The following XYLB variants were observed in gnomAD, a reference collection of about 807,000 sequenced individuals.
The protein encoded by XYLB is xylulose kinase.
In XYLB, 62 loss-of-function variants were observed where a neutral mutation model predicts 78.7. The ratio of observed to expected loss-of-function variants is 0.79; its 90% CI spans 0.64 to 0.97. The LOEUF is 0.97. Ranked by LOEUF, XYLB falls within the 50% of genes least tolerant of loss-of-function variation. XYLB has a pLI of 0.00. For missense variants in XYLB, 687 were observed against 676.8 expected (o/e 1.02, Z -0.17); for synonymous variants, 245 against 247.4 (o/e 0.99, Z 0.09).
At chr3:38,396,947 A>C (rs921178966) in intron 16 of XYLB, 125 bp from the exon 17 acceptor site, 5 of 911,692 alleles carry the variant, frequency 5.5e-6, no homozygotes, top group African/African-American at 4.9e-5. Flanking sequence ...CTCTTAAGGC[A>C]GTCGAGGTGG....
chr3:38,451,929 CTTA>C, the XYLB span: 1 of 152,144 alleles, frequency 6.6e-6, no homozygotes, highest in East Asian at 1.9e-4. Flanking sequence ...ACTCTGAGTC[CTTA>C]TTATGATACC....
intron 2 of XYLB, among the ~76,000 whole-genome samples, chr3:38,350,744 C>T (rs1205308167): frequency 6.6e-6 from 1 of 151,596 alleles, no homozygotes; most frequent in Non-Finnish European, 1.5e-5. Context: ...TATGGGATGC[C>T]TTAGCAGCAT....
chr3:38,374,309 C>T (rs1304311073), intron 10 of XYLB, among the ~76,000 whole-genome samples, 153 bp from the exon 11 acceptor site: 1 of 152,154 alleles, frequency 6.6e-6, no homozygotes, highest in Non-Finnish European at 1.5e-5. Context: ...CTTAGGGCCT[C>T]CTGAGCGCTC....
intron 15 of XYLB, among the ~76,000 whole-genome samples, chr3:38,384,550 G>A (rs1381346473): frequency 6.6e-6 from 1 of 152,202 alleles, no homozygotes; most frequent in African/African-American, 2.4e-5. Flanking sequence ...GGGGCTGGAT[G>A]GAAAGCAGCA....
chr3:38,415,689 A>C (rs973629000), downstream of XYLB, among the ~76,000 whole-genome samples: 1 of 152,182 alleles, frequency 6.6e-6, no homozygotes, highest in Non-Finnish European at 1.5e-5. Context: ...AGGCTGAGGC[A>C]CGAGAATTGC....
At chr3:38,426,736 T>C in the XYLB span, among the ~76,000 whole-genome samples, 2 of 152,334 alleles carry the variant, frequency 1.3e-5, no homozygotes, top group South Asian at 2.1e-4. Flanking sequence ...TTTATCACTT[T>C]GCAAAAACAG....
chr3:38,358,716 A>C (rs1705812883), intron 2 of XYLB, among the ~76,000 whole-genome samples: 1 of 152,206 alleles, frequency 6.6e-6, no homozygotes. Flanking sequence ...TTGTGAAGGC[A>C]ACATTTTTTG....
downstream of XYLB, among the ~76,000 whole-genome samples, chr3:38,418,663 G>A (rs1708880073): frequency 6.6e-6 from 1 of 152,072 alleles, no homozygotes; most frequent in South Asian, 2.1e-4. Context: ...CATAAACAAA[G>A]GACAGTTCTC....
the XYLB span, among the ~76,000 whole-genome samples, chr3:38,431,874 C>T: frequency 2.0e-5 from 3 of 152,132 alleles, no homozygotes; most frequent in African/African-American, 7.2e-5. Context: ...ATTAGAACAG[C>T]ATGGGGAAAC....
chr3:38,397,171 G>C lies in XYLB; in HGVS notation c.1438+12G>C, dbSNP rs1014045673. The C allele has an allele frequency of 6.2e-7, 1 of 1,613,550 alleles. No individual in the cohort carries two copies. The highest frequency in any genetic ancestry group is 8.5e-7 in the Non-Finnish European group (1 of 1,179,600). On this transcript the variant is annotated intron_variant, in intron 17 of 18. Transcript: ENST00000207870. The stretch of plus-strand genomic sequence containing the variant: ...CCGAGCTTTTCATGGTAGGTTGATG[G>C]AGGGAGACAGCTATCTCTGGAAGTG...
At chr3:38,378,822 C>T (rs1452219496) in intron 14 of XYLB, among the ~76,000 whole-genome samples, 1 of 148,448 alleles carries the variant, frequency 6.7e-6, no homozygotes, top group East Asian at 2.0e-4. Context: ...TCTCACTTAT[C>T]TAGTATGTAC....
rs1340628644 is a variant in XYLB, at chr3:38,362,931, T to C, written c.211-6T>C. ...CAGTCATGGTGGGTTCTGTTTTTCT[T>C]CTTAGGCACTGGATATCATCTTGGA... On this transcript the variant is annotated splice_region_variant and splice_polypyrimidine_tract_variant and intron_variant, in intron 3 of 18. Transcript: ENST00000207870. The C allele has an allele frequency of 2.6e-6, 4 of 1,567,150 alleles. No individual in the cohort carries two copies. Among genetic ancestry groups the C allele is most frequent in the Non-Finnish European group, 3.5e-6 (4 of 1,155,322 alleles).
Position 38,413,217 on chromosome 3 carries a change from C to G in XYLB, c.*204C>G. ...GCACTCCTGTCCCTGTGCCCGTGTG[C>G]CCCAGGGCAGGAAAGCATCTCTCTT... On this transcript the variant is annotated 3_prime_UTR_variant, in exon 19 of 19. Coordinates refer to ENST00000207870, the MANE Select transcript of XYLB (RefSeq NM_005108.4). The G allele has an allele frequency of 2.1e-6, 1 of 468,030 alleles. No homozygotes were observed. The highest frequency in any genetic ancestry group is 3.7e-6 in the Non-Finnish European group (1 of 272,442). 29.0% of individuals were successfully genotyped at this position (468,030 alleles called of 1,614,324 possible).
intron 15 of XYLB, among the ~76,000 whole-genome samples, chr3:38,389,907 G>A (rs1440113117): frequency 6.6e-6 from 1 of 152,142 alleles, no homozygotes; most frequent in Non-Finnish European, 1.5e-5. Context: ...AAATGTAGTT[G>A]TTTTTCTTTT....
intron 18 of XYLB, among the ~76,000 whole-genome samples, chr3:38,402,414 A>G (rs1044280664): frequency 6.6e-6 from 1 of 152,170 alleles, no homozygotes; most frequent in African/African-American, 2.4e-5. Flanking sequence ...CTCCCAGCAT[A>G]TCTTGGAAGC....
In XYLB at chr3:38,396,948, G is replaced by A. The variant is rs931179235; in HGVS notation, c.1351-124G>A. The A allele has an allele frequency of 1.7e-5, 16 of 929,074 alleles. No homozygotes were observed. The Admixed American group carries it at 2.9e-4, about 17-fold the overall frequency. 57.6% of individuals were successfully genotyped at this position (929,074 alleles called of 1,614,324 possible). A position where few individuals can be genotyped will look rare whatever the true frequency, so the allele number is the denominator to read the frequency against. ...GACCAAGCATACTCCTCTTAAGGCA[G>A]TCGAGGTGGAATGGAAGGGGTCAGA... On this transcript the variant is annotated intron_variant, in intron 16 of 18. Coordinates refer to ENST00000207870, the MANE Select transcript of XYLB (RefSeq NM_005108.4).
At chr3:38,415,270 T>C (rs926861895), downstream of XYLB, among the ~76,000 whole-genome samples, 3 of 152,190 alleles carry the variant, frequency 2.0e-5, no homozygotes, top group Non-Finnish European at 4.4e-5. Context: ...ATCAAGGATA[T>C]AGGAAGAAGT....
chr3:38,410,688 GA>G (rs1274381140), intron 18 of XYLB, among the ~76,000 whole-genome samples: 2 of 151,814 alleles, frequency 1.3e-5, no homozygotes, highest in African/African-American at 4.8e-5. Context: ...AAATTTACAA[GA>G]AAAAAACAAC....
intron 10 of XYLB, 93 bp from the exon 11 acceptor site, chr3:38,374,369 T>C: frequency 6.4e-7 from 1 of 1,574,706 alleles, no homozygotes; most frequent in Non-Finnish European, 8.7e-7. Flanking sequence ...GGGTTGGAGG[T>C]GGGGGCTCTG....
Sources: allele counts gnomAD v4.1 joint callset (sites outside exome capture counted in the v4.1 genomes callset), GRCh38; gene constraint gnomAD v4.1.1; transcripts MANE v1.5; gene names NCBI Gene and HGNC (gene_info 2026-07-23, HGNC 2026-07-21).